The following MTRF1 variants were observed in gnomAD, a reference collection of about 807,000 sequenced individuals.
The protein encoded by MTRF1 is peptide chain release factor 1, mitochondrial.
In MTRF1, 51 loss-of-function variants were observed where a neutral mutation model predicts 62.9. The ratio of observed to expected loss-of-function variants is 0.81; its 90% confidence interval spans 0.65 to 1.02. The LOEUF (loss-of-function observed/expected upper bound fraction) is 1.02, where lower values mean the gene tolerates loss of function less well. Among genes scored for constraint, MTRF1 ranks in the 50% least tolerant of loss-of-function variants. MTRF1 has a pLI of 0.00. For missense variants in MTRF1, 446 were observed against 530.0 expected (o/e 0.84, Z 1.56); for synonymous variants, 158 against 181.9 (o/e 0.87, Z 1.06).
chr13:41,253,127 G>T, intron 3 of MTRF1, 97 bp from the exon 4 acceptor site: 1 of 908,412 alleles, frequency 1.1e-6, no homozygotes, highest in South Asian at 1.7e-5. Context: ...ATCAATAATT[G>T]GCAAAATCAT....
Position 41,263,504 on chromosome 13 carries a change from A to C in MTRF1, c.-28T>G. On this transcript the variant is annotated 5_prime_UTR_variant, in exon 1 of 10. Coordinates refer to ENST00000379480, the MANE Select transcript of MTRF1 (RefSeq NM_004294.4). ...GAGTACCTAAGAAAAAGAAGAATAC[A>C]CGTTAGCTCTCTTTACTGAGGTCGG... 2 of 278,442 alleles carry C rather than the reference A, an allele frequency of 7.2e-6. No individual in the cohort carries two copies. The highest frequency in any genetic ancestry group is 3.2e-5 in the South Asian group (1 of 30,990). 17.2% of individuals were successfully genotyped at this position (278,442 alleles called of 1,614,324 possible).
At chr13:41,311,497 C>T in the MTRF1 span, 13 of 1,576,410 alleles carry the variant, frequency 8.2e-6, no homozygotes, top group East Asian at 1.2e-4. Flanking sequence ...CCTAGCCTCC[C>T]TGCCGGCCAC....
intron 5 of MTRF1, among the ~76,000 whole-genome samples, chr13:41,248,164 C>T (rs2038533691): frequency 6.6e-6 from 1 of 152,136 alleles, no homozygotes; most frequent in South Asian, 2.1e-4. Flanking sequence ...TGGAAATTGG[C>T]TCAAGTCTGG....
intron 8 of MTRF1, among the ~76,000 whole-genome samples, chr13:41,224,758 GA>G (rs1475194131): frequency 6.6e-6 from 1 of 152,100 alleles, no homozygotes; most frequent in Non-Finnish European, 1.5e-5. Context: ...CTTGGTTGAA[GA>G]AAAAAACTTC....
Position 41,223,247 on chromosome 13 carries a change from T to A in MTRF1, c.1224+9A>T. On this transcript the variant is annotated intron_variant, in intron 9 of 9. Coordinates refer to ENST00000379480, the MANE Select transcript of MTRF1 (RefSeq NM_004294.4). ...TCAAAGGTAGGCAAAGCATACTCAGTAGTATTACCTTAATATCACGAACTT... is the reference window on the plus strand; with the variant it reads ...TCAAAGGTAGGCAAAGCATACTCAGAAGTATTACCTTAATATCACGAACTT... 2.5e-6 allele frequency: 4 copies of A among 1,586,880 alleles called. No individual in the cohort carries two copies. Among genetic ancestry groups the A allele is most frequent in the Non-Finnish European group, 3.5e-6 (4 of 1,157,150 alleles).
chr13:41,302,060 T>C, the MTRF1 span, among the ~76,000 whole-genome samples: 1 of 152,260 alleles, frequency 6.6e-6, no homozygotes, highest in South Asian at 2.1e-4. Flanking sequence ...GGAGTCTCCC[T>C]CTGTTGCCTA....
intron 5 of MTRF1, among the ~76,000 whole-genome samples, chr13:41,245,748 G>A (rs143244895): frequency 2.4e-4 from 37 of 152,260 alleles, no homozygotes; most frequent in African/African-American, 6.7e-4. Context: ...ATTTTAGAAT[G>A]AGTCCAGGAA....
the MTRF1 span, among the ~76,000 whole-genome samples, chr13:41,293,582 G>T: frequency 6.6e-6 from 1 of 152,104 alleles, no homozygotes; most frequent in African/African-American, 2.4e-5. Context: ...TGGCTTATCA[G>T]CAAAATACCA....
intron 5 of MTRF1, among the ~76,000 whole-genome samples, chr13:41,245,395 C>T (rs2038110938): frequency 6.6e-6 from 1 of 152,142 alleles, no homozygotes; most frequent in Admixed American, 6.6e-5. Flanking sequence ...CGTGTGCCAC[C>T]ATGCTCAGCT....
chr13:41,293,089 T>C, the MTRF1 span, among the ~76,000 whole-genome samples: 4 of 152,224 alleles, frequency 2.6e-5, no homozygotes, highest in East Asian at 5.8e-4. Flanking sequence ...TTGTCTTTTA[T>C]GAACCAGTGA....
At chr13:41,311,012 G>T in the MTRF1 span, among the ~76,000 whole-genome samples, 16 of 152,330 alleles carry the variant, frequency 1.1e-4, no homozygotes, top group African/African-American at 3.8e-4. Flanking sequence ...GGAGTCTTAT[G>T]AGGCGTTCTG....
At chr13:41,269,705 C>T in the MTRF1 span, among the ~76,000 whole-genome samples, 3 of 152,036 alleles carry the variant, frequency 2.0e-5, no homozygotes, top group Non-Finnish European at 2.9e-5. Flanking sequence ...TATCCCATTA[C>T]ATTTACCTAA....
At chr13:41,234,127 G>A in intron 6 of MTRF1, 120 bp from the exon 7 acceptor site, 1 of 774,704 alleles carries the variant, frequency 1.3e-6, no homozygotes, top group South Asian at 1.7e-5. Context: ...TAGACTAAGA[G>A]AAGTAACTTA....
intron 2 of MTRF1, among the ~76,000 whole-genome samples, chr13:41,255,175 T>C (rs2039546374): frequency 1.3e-5 from 2 of 152,026 alleles, no homozygotes. Flanking sequence ...AAATAAGAAT[T>C]CTTAAAATCT....
At chr13:41,281,999 G>A in the MTRF1 span, among the ~76,000 whole-genome samples, 9 of 152,006 alleles carry the variant, frequency 5.9e-5, no homozygotes, top group South Asian at 4.2e-4. Context: ...TTAGCCAGGC[G>A]TGGTGGCGGG....
chr13:41,276,260 C>T, the MTRF1 span, among the ~76,000 whole-genome samples: 1 of 152,016 alleles, frequency 6.6e-6, no homozygotes, highest in Non-Finnish European at 1.5e-5. Context: ...CAACCTCCAT[C>T]TCTTGGGTTC....
intron 6 of MTRF1, 112 bp from the exon 7 acceptor site, chr13:41,234,119 G>T: frequency 1.2e-6 from 1 of 823,930 alleles, no homozygotes; most frequent in Non-Finnish European, 2.0e-6. Context: ...ATAGCCTTTA[G>T]ACTAAGAGAA....
chr13:41,281,283 G>A, the MTRF1 span, among the ~76,000 whole-genome samples: 1 of 152,188 alleles, frequency 6.6e-6, no homozygotes, highest in Non-Finnish European at 1.5e-5. Context: ...ATTATGGGCT[G>A]TACAGTGTGT....
chr13:41,284,833 T>C, the MTRF1 span, among the ~76,000 whole-genome samples: 25 of 152,146 alleles, frequency 1.6e-4, no homozygotes, highest in Non-Finnish European at 7.3e-5. Flanking sequence ...TTTGTATTTT[T>C]AGTAGAGACG....
Sources: allele counts gnomAD v4.1 joint callset (sites outside exome capture counted in the v4.1 genomes callset), GRCh38; gene constraint gnomAD v4.1.1; transcripts MANE v1.5; gene names NCBI Gene and HGNC (gene_info 2026-07-23, HGNC 2026-07-21).